Variants in KRT2 observed in about 807,000 individuals in gnomAD.
The protein encoded by KRT2 is keratin 2, also known as keratin, type II cytoskeletal 2 epidermal.
KRT2 carries 37 observed loss-of-function variants against 48.5 expected under a neutral mutation model. The ratio of observed to expected loss-of-function variants is 0.76; its 90% CI spans 0.59 to 1.00. KRT2 has a LOEUF of 1.00. KRT2 is among the 50% of genes least tolerant of loss of function. KRT2 has a pLI of 0.00. For missense variants in KRT2, 880 were observed against 815.2 expected, an observed-to-expected ratio of 1.08 and a Z score of -0.97; for synonymous variants, 324 against 312.2, an observed-to-expected ratio of 1.04 and a Z score of -0.40.
At chr12:52,647,905 A>G in intron 5 of KRT2, 50 bp from the exon 6 acceptor site, 1 of 1,611,614 alleles carries the variant, frequency 6.2e-7, no homozygotes, top group Non-Finnish European at 8.5e-7. Flanking sequence ...AGCCTGGCTC[A>G]CATTCCAGAC....
intron 6 of KRT2, 28 bp downstream of exon 6, chr12:52,647,697 TCCCGC>T (rs779831585): frequency 6.2e-7 from 1 of 1,611,376 alleles, no homozygotes; most frequent in Non-Finnish European, 8.5e-7. Context: ...AGAGACAACC[TCCCGC>T]CCCTCGCTGG....
Position 52,648,995 on chromosome 12 carries a change from C to G in KRT2, c.957+12G>C. The G allele has an allele frequency of 6.5e-7, 1 of 1,532,518 alleles. No homozygotes were observed. Among genetic ancestry groups the G allele is most frequent in the South Asian group, 1.1e-5 (1 of 89,420 alleles). 94.9% of individuals were successfully genotyped at this position (1,532,518 alleles called of 1,614,324 possible). On this transcript the variant is annotated intron_variant, in intron 4 of 8. Coordinates refer to ENST00000309680, the MANE Select transcript of KRT2 (RefSeq NM_000423.3). ...TGGGAAGTAAGGGACTGTCCCGGAG[C>G]AGCCTCCTTACCGCATCATAGAGAA...
rs1397483757 is a variant in KRT2, at chr12:52,651,818, T to C, written c.325A>G (p.Ser109Gly). 1.7e-6 allele frequency: 2 copies of C among 1,158,104 alleles called. No homozygotes were observed. The highest frequency in any genetic ancestry group is 4.4e-5 in the East Asian group (1 of 22,860). The allele number at this position is 1,158,104 out of a possible 1,614,324, so 71.7% of individuals were successfully genotyped here. A position where few individuals can be genotyped will look rare whatever the true frequency, so the allele number is the denominator to read the frequency against. The change falls in exon 1 of 9, where the codon AGT becomes GGT. Residue 109 changes from serine to glycine, a missense_variant. Physicochemically the swap from Ser to Gly is moderately conservative, Grantham distance 56. Coordinates refer to ENST00000309680, the MANE Select transcript of KRT2 (RefSeq NM_000423.3). ...GSSFGGGSGFSGGGFGGGGFG... is the reference protein window; with the variant it reads ...GSSFGGGSGFGGGGFGGGGFG... ...CCGCCTCCACCGAAACCACCACCACTGAAGCCGCTGCCACCTCCAAAGCTG... is the reference window on the plus strand; with the variant it reads ...CCGCCTCCACCGAAACCACCACCACCGAAGCCGCTGCCACCTCCAAAGCTG...
chr12:52,648,778 G>A (rs1463101843), intron 4 of KRT2, among the ~76,000 whole-genome samples: 1 of 152,138 alleles, frequency 6.6e-6, no homozygotes, highest in Non-Finnish European at 1.5e-5. Context: ...TGGAGGGAGG[G>A]GAAGCTGTCC....
intron 3 of KRT2, 102 bp from the exon 4 acceptor site, chr12:52,649,204 A>T (rs1310949600): frequency 5.1e-6 from 4 of 788,618 alleles, no homozygotes; most frequent in Middle Eastern, 3.5e-4. Flanking sequence ...CCTCTCTAAA[A>T]TCCCAGGCTC....
At chr12:52,650,220 C>T in intron 2 of KRT2, 119 bp downstream of exon 2, 3 of 904,568 alleles carry the variant, frequency 3.3e-6, no homozygotes, top group Non-Finnish European at 5.6e-6. Context: ...AACAAAGATA[C>T]ATATGCCTCT....
In KRT2 at chr12:52,645,112, T is replaced by C. The variant is rs776270626; in HGVS notation, c.1827A>G (p.Gly609=). 1 of 1,613,686 alleles carries C rather than the reference T, an allele frequency of 6.2e-7. No homozygotes were observed. Among genetic ancestry groups the C allele is most frequent in the Non-Finnish European group, 8.5e-7 (1 of 1,179,956 alleles). ...GGGSRGGSSS[G]GGYGSGGGGS... ...CCCCACCTCCAGAGCCATATCCTCC[T>C]CCAGAGCTGGAGCCTCCTCTAGAGC... Residue 609 remains glycine, a synonymous_variant, in exon 9 of 9, where the codon GGA becomes GGG. Transcript: ENST00000309680.
At position 52,646,838 on chromosome 12, in the gene KRT2, C is replaced by T. The variant is rs374302985; in HGVS notation, c.1371G>A (p.Ala457=). 4.3e-5 allele frequency: 70 copies of T among 1,614,018 alleles called. No homozygotes were observed. Among genetic ancestry groups the T allele is most frequent in the African/African-American group, 9.3e-5 (7 of 74,908 alleles). ...GCTCCTGGTAGTCACGCAGCAGCCG[C>T]GCCAAGTCCTCCTTGGCCTGCTGCA... ...EALQQAKEDL[A]RLLRDYQELM... is the part of the protein sequence containing the mutation. The change falls in exon 7 of 9, where the codon GCG becomes GCA. Residue 457 remains alanine, a synonymous_variant. Transcript: ENST00000309680.
In KRT2 at chr12:52,645,250, A is replaced by G. The variant is rs201732931; in HGVS notation, c.1689T>C (p.Tyr563=). ...TTCCTCCAGAACCACCGCCAGAGCCATATCCTCCTCCAGAGATAGAACCTC... is the reference window on the plus strand; with the variant it reads ...TTCCTCCAGAACCACCGCCAGAGCCGTATCCTCCTCCAGAGATAGAACCTC... The part of the protein sequence containing the change: ...GGGGSISGGG[Y]GSGGGSGGRY... Residue 563 remains tyrosine (Y), a synonymous_variant, in exon 9 of 9, where the codon TAT becomes TAC. Transcript: ENST00000309680. 8 of 1,614,040 alleles carry G rather than the reference A, an allele frequency of 5.0e-6. No individual in the cohort carries two copies. In the Admixed American group the frequency reaches 8.3e-5, roughly 17 times the overall value.
Position 52,644,990 on chromosome 12 carries a change from G to A in KRT2, c.*29C>T. On this transcript the variant is annotated 3_prime_UTR_variant, in exon 9 of 9. Transcript: ENST00000309680. Reference sequence around the variant, plus strand: ...TTCTGGAGTGGGAGAGTCTGGGTTGGGAGAGTCGGTGGTGGTGGGGGCTCA... The same window carrying A: ...TTCTGGAGTGGGAGAGTCTGGGTTGAGAGAGTCGGTGGTGGTGGGGGCTCA... The A allele has an allele frequency of 6.2e-7, 1 of 1,613,404 alleles. No individual in the cohort carries two copies. The highest frequency in any genetic ancestry group is 8.5e-7 in the Non-Finnish European group (1 of 1,179,428).
In KRT2 at chr12:52,646,960, A is replaced by G. The variant is rs372823150; in HGVS notation, c.1249T>C (p.Cys417Arg). 3.8e-5 allele frequency: 62 copies of G among 1,613,142 alleles called. No individual in the cohort carries two copies. In the East Asian group the frequency reaches 6.2e-4, roughly 16 times the overall value. Reference sequence around the variant, plus strand: ...GCGATGGCATCTTGCACATTCTTACACTATGACAGAAGGACAGAGAATGGA... The same window carrying G: ...GCGATGGCATCTTGCACATTCTTACGCTATGACAGAAGGACAGAGAATGGA... ...QGEIAHVKKQCKNVQDAIADA... is the reference protein window; with the variant it reads ...QGEIAHVKKQRKNVQDAIADA... Residue 417 changes from cysteine (C) to arginine (R), a missense_variant and splice_region_variant, in exon 7 of 9, where the codon TGT becomes CGT. Coordinates refer to ENST00000309680, the MANE Select transcript of KRT2 (RefSeq NM_000423.3).
At chr12:52,646,580 T>C (rs1346784515) in intron 7 of KRT2, among the ~76,000 whole-genome samples, 160 bp downstream of exon 7, 1 of 152,236 alleles carries the variant, frequency 6.6e-6, no homozygotes, top group Non-Finnish European at 1.5e-5. Context: ...TCATGCTTTA[T>C]GTCCTGAGTT....
Position 52,645,314 on chromosome 12 carries a change from C to T in KRT2, c.1625G>A (p.Gly542Glu). ...GCCTCTGGAGCCAGACTGTCGGCCT[C>T]CAGAGCCATAACTGCTGCTTCCAGA... Reference protein sequence around the residue: ...YSSGSSSYGSGGRQSGSRGGS... With the variant: ...YSSGSSSYGSEGRQSGSRGGS... The change falls in exon 9 of 9, where the codon GGA becomes GAA. Residue 542 changes from glycine to glutamate, a missense_variant. Coordinates refer to ENST00000309680, the MANE Select transcript of KRT2 (RefSeq NM_000423.3). The T allele has an allele frequency of 6.2e-7, 1 of 1,614,198 alleles. No individual in the cohort carries two copies. The highest frequency in any genetic ancestry group is 8.5e-7 in the Non-Finnish European group (1 of 1,180,044).
In KRT2 at chr12:52,647,721, G is replaced by A; in HGVS notation, c.1248+9C>T. 1 of 1,613,534 alleles carries A rather than the reference G, an allele frequency of 6.2e-7. No individual in the cohort carries two copies. The highest frequency in any genetic ancestry group is 8.5e-7 in the Non-Finnish European group (1 of 1,179,792). ...CTCCCGCCCCTCGCTGGACAGGGCT[G>A]GGCCTCACCTGCTTCTTCACATGTG... On this transcript the variant is annotated intron_variant, in intron 6 of 8. Coordinates refer to ENST00000309680, the MANE Select transcript of KRT2 (RefSeq NM_000423.3).
chr12:52,650,248 A>T, intron 2 of KRT2, 91 bp downstream of exon 2: 1 of 1,110,902 alleles, frequency 9.0e-7, no homozygotes. Context: ...ACCACCACAA[A>T]TGCAACTGGG....
Position 52,646,896 on chromosome 12 carries a change from G to C in KRT2, c.1313C>G (p.Ala438Gly). The part of the protein sequence containing the change: ...EQRGEHALKD[A>G]RNKLNDLEEA... Reference sequence around the variant, plus strand: ...CTCCAGGTCATTCAACTTGTTCCTGGCATCCTTGAGGGCATGCTCCCCACG... The same window carrying C: ...CTCCAGGTCATTCAACTTGTTCCTGCCATCCTTGAGGGCATGCTCCCCACG... Residue 438 changes from alanine (A) to glycine (G), a missense_variant, in exon 7 of 9, where the codon GCC becomes GGC. Coordinates refer to ENST00000309680, the MANE Select transcript of KRT2 (RefSeq NM_000423.3). 1.2e-6 allele frequency: 2 copies of C among 1,614,158 alleles called. No individual in the cohort carries two copies. Among genetic ancestry groups the C allele is most frequent in the Non-Finnish European group, 1.7e-6 (2 of 1,180,018 alleles).
chr12:52,647,914 A>G (rs943664055), intron 5 of KRT2, 59 bp from the exon 6 acceptor site: 5 of 1,606,156 alleles, frequency 3.1e-6, no homozygotes, highest in Non-Finnish European at 4.3e-6. Flanking sequence ...CACATTCCAG[A>G]CTGACTGGAG....
At chr12:52,645,491 C>A (rs1941151123) in intron 8 of KRT2, 44 bp downstream of exon 8, 1 of 1,614,066 alleles carries the variant, frequency 6.2e-7, no homozygotes, top group Non-Finnish European at 8.5e-7. Context: ...CTGCCTCCAC[C>A]TGACACAACA....
rs1941188735 is a variant in KRT2 at position 52,647,736 on chromosome 12, C to A, written c.1242G>T (p.Lys414Asn). ...GGACAGGGCTGGGCCTCACCTGCTTCTTCACATGTGCGATCTCCCCCTGCA... is the reference window on the plus strand; with the variant it reads ...GGACAGGGCTGGGCCTCACCTGCTTATTCACATGTGCGATCTCCCCCTGCA... ...QRLQGEIAHVKKQCKNVQDAI... is the reference protein window; with the variant it reads ...QRLQGEIAHVNKQCKNVQDAI... Residue 414 changes from lysine to asparagine, a missense_variant, in exon 6 of 9, where the codon AAG becomes AAT. Physicochemically the swap from Lys to Asn is moderately conservative, Grantham distance 94. Coordinates refer to ENST00000309680, the MANE Select transcript of KRT2 (RefSeq NM_000423.3). 6.2e-7 allele frequency: 1 copy of A among 1,613,864 alleles called. No individual in the cohort carries two copies.
Sources: allele counts gnomAD v4.1 joint callset (sites outside exome capture counted in the v4.1 genomes callset), GRCh38; gene constraint gnomAD v4.1.1; transcripts MANE v1.5; gene names NCBI Gene and HGNC (gene_info 2026-07-23, HGNC 2026-07-21).